Variants in RGS7 observed in about 807,000 individuals in gnomAD.
RGS7 encodes regulator of G-protein signaling 7.
Under a neutral mutation model 81.1 loss-of-function variants are expected in RGS7, and 27 were observed. The observed-to-expected ratio is 0.33, with a 90% CI of 0.25 to 0.46. The LOEUF (loss-of-function observed/expected upper bound fraction) is 0.46. Among genes scored for constraint, RGS7 ranks in the 20% least tolerant of loss-of-function variants. RGS7 has a pLI of 1.00. For synonymous variants in RGS7, 208 were observed against 207.7 expected (o/e 1.00, Z -0.01); for missense variants, 396 against 607.4 (o/e 0.65, Z 3.66).
At chr1:240,984,981 T>C (rs1194464596) in intron 3 of RGS7, among the ~76,000 whole-genome samples, 1 of 152,200 alleles carries the variant, frequency 6.6e-6, no homozygotes, top group East Asian at 1.9e-4. Context: ...ATTTAAATCA[T>C]TTGGGAAGAC....
In RGS7 at chr1:240,816,333, T is replaced by C; in HGVS notation, c.767A>G (p.Asp256Gly). 1 of 1,609,824 alleles carries C rather than the reference T, an allele frequency of 6.2e-7. No homozygotes were observed. Among genetic ancestry groups the C allele is most frequent in the Admixed American group, 1.7e-5 (1 of 60,010 alleles). Reference sequence around the variant, plus strand: ...TTGACTCACCTGTTGTTGTAACTCATCTTCTGTTGGAGGTTTAGTTTCTGG... The same window carrying C: ...TTGACTCACCTGTTGTTGTAACTCACCTTCTGTTGGAGGTTTAGTTTCTGG... The part of the protein sequence containing the change: ...PTPETKPPTE[D>G]ELQQQIKYWQ... The change falls in exon 11 of 19, where the codon GAT becomes GGT. Residue 256 changes from aspartate (D) to glycine (G), a missense_variant. Coordinates refer to ENST00000440928, the MANE Select transcript of RGS7 (RefSeq NM_001364886.1).
intron 2 of RGS7, among the ~76,000 whole-genome samples, chr1:241,240,893 T>G (rs979223362): frequency 4.6e-5 from 7 of 152,322 alleles, no homozygotes; most frequent in African/African-American, 1.7e-4. Context: ...TTCTGAGGAC[T>G]GATGTTGGCC....
intron 6 of RGS7, among the ~76,000 whole-genome samples, chr1:240,906,221 C>A (rs951653209): frequency 1.3e-5 from 2 of 152,162 alleles, no homozygotes; most frequent in African/African-American, 2.4e-5. Context: ...TTTGATGACT[C>A]CTCCTGTGTC....
intron 3 of RGS7, among the ~76,000 whole-genome samples, chr1:241,008,642 G>A (rs551014291): frequency 1.3e-5 from 2 of 152,256 alleles, no homozygotes; most frequent in Non-Finnish European, 2.9e-5. Context: ...GCCGTGTGCA[G>A]AGGCTCACAT....
At position 240,801,493 on chromosome 1, in the gene RGS7, C is replaced by G. The variant is rs141557672; in HGVS notation, c.1375G>C (p.Asp459His). 1.9e-6 allele frequency: 3 copies of G among 1,608,386 alleles called. No individual in the cohort carries two copies. In the Admixed American group the frequency reaches 5.0e-5, roughly 27 times the overall value. Residue 459 changes from aspartate (D) to histidine (H), a missense_variant, in exon 17 of 19, where the codon GAT (aspartate) becomes CAT (histidine). By Grantham distance (81) the Asp-to-His change is moderately conservative. Coordinates refer to ENST00000440928, the MANE Select transcript of RGS7 (RefSeq NM_001364886.1). ...AATTTTTCAAAAGATGTTCTGCGAT[C>G]CATTGAGTTTCCAGACTTACGTATG... ...QAKKKSGNSM[D>H]RRTSFEKFAQ...
chr1:241,311,587 G>A (rs1379706551), intron 2 of RGS7, among the ~76,000 whole-genome samples: 3 of 152,172 alleles, frequency 2.0e-5, no homozygotes, highest in Non-Finnish European at 2.9e-5. Context: ...TCCAAGGCCT[G>A]AACTGTGAGG....
intron 9 of RGS7, among the ~76,000 whole-genome samples, chr1:240,838,064 C>T (rs1694996560): frequency 6.6e-6 from 1 of 152,200 alleles, no homozygotes; most frequent in South Asian, 2.1e-4. Context: ...CTGTCTTAGT[C>T]TCTTCAGACT....
At chr1:241,026,522 G>A (rs1417233747) in intron 3 of RGS7, among the ~76,000 whole-genome samples, 1 of 151,862 alleles carries the variant, frequency 6.6e-6, no homozygotes, top group Non-Finnish European at 1.5e-5. Context: ...CTGGGAGGCG[G>A]ACGTTGCAGT....
At chr1:241,067,191 C>T (rs970838495) in intron 3 of RGS7, among the ~76,000 whole-genome samples, 7 of 152,136 alleles carry the variant, frequency 4.6e-5, no homozygotes, top group Admixed American at 2.0e-4. Flanking sequence ...ACAACACTTA[C>T]GACACAGTAC....
intron 2 of RGS7, among the ~76,000 whole-genome samples, chr1:241,302,035 C>T (rs543297008): frequency 5.3e-5 from 8 of 152,202 alleles, no homozygotes; most frequent in African/African-American, 1.9e-4. Context: ...CAGAATGGGA[C>T]ATTAAATGGG....
chr1:241,073,602 A>G (rs1406117080), intron 3 of RGS7, among the ~76,000 whole-genome samples: 1 of 152,216 alleles, frequency 6.6e-6, no homozygotes, highest in African/African-American at 2.4e-5. Flanking sequence ...ATGTGGTGAA[A>G]GTCCCTTGGA....
At position 241,048,135 on chromosome 1, in the gene RGS7, T is replaced by C. The variant is rs60458831; in HGVS notation, c.175+50531A>G. ...TTACCAAGTTTAAAAGGAAAGAGTC[T>C]AAAAATAGTTCCCATGACTCAGGAG... On this transcript the variant is annotated intron_variant, in intron 3 of 18. Transcript: ENST00000440928. Among the ~76,000 whole-genome samples, 355 of 152,188 alleles carry C rather than the reference T, an allele frequency of 2.3e-3. 2 individuals are homozygous for C. The highest frequency in any genetic ancestry group is 7.9e-3 in the African/African-American group (330 of 41,522).
chr1:240,891,580 A>C (rs1220329329), intron 6 of RGS7, among the ~76,000 whole-genome samples: 3 of 152,166 alleles, frequency 2.0e-5, no homozygotes, highest in African/African-American at 7.2e-5. Context: ...TTAAAGCTAA[A>C]TGCATTCATT....
At chr1:240,960,098 G>A (rs1409967235) in intron 4 of RGS7, among the ~76,000 whole-genome samples, 4 of 150,972 alleles carry the variant, frequency 2.6e-5, no homozygotes, top group South Asian at 2.1e-4. Flanking sequence ...GCAGTGAGCC[G>A]AGATCACATC....
At chr1:240,827,864 C>CAAAAAAAAAAA (rs57562408) in intron 9 of RGS7, among the ~76,000 whole-genome samples, 1 of 52,868 alleles carries the variant, frequency 1.9e-5, no homozygotes, top group African/African-American at 5.2e-5. Flanking sequence ...AACTCCATTG[C>CAAAAAAAAAAA]AAAAAAAAAA....
intron 4 of RGS7, among the ~76,000 whole-genome samples, chr1:240,969,753 G>A (rs757437001): frequency 1.3e-5 from 2 of 152,184 alleles, no homozygotes; most frequent in African/African-American, 2.4e-5. Flanking sequence ...TCTAACAAAC[G>A]TACTGTGTTG....
At chr1:241,046,985 T>C (rs1479040858) in intron 3 of RGS7, among the ~76,000 whole-genome samples, 1 of 152,134 alleles carries the variant, frequency 6.6e-6, no homozygotes, top group African/African-American at 2.4e-5. Context: ...TCCAAAGGCT[T>C]GTTCCTCCAA....
chr1:240,956,860 A>T (rs892894306), intron 4 of RGS7, among the ~76,000 whole-genome samples: 1 of 152,140 alleles, frequency 6.6e-6, no homozygotes, highest in African/African-American at 2.4e-5. Flanking sequence ...GAGAAAAAAA[A>T]AAACGTTAAA....
intron 2 of RGS7, among the ~76,000 whole-genome samples, chr1:241,181,383 T>TA (rs2071605972): frequency 6.6e-6 from 1 of 152,116 alleles, no homozygotes. Context: ...AAAAATAAAA[T>TA]ACATTTAAAA....
Sources: allele counts gnomAD v4.1 joint callset (sites outside exome capture counted in the v4.1 genomes callset), GRCh38; gene constraint gnomAD v4.1.1; transcripts MANE v1.5; gene names NCBI Gene and HGNC (gene_info 2026-07-23, HGNC 2026-07-21).